The following DTNB variants were observed in gnomAD, a reference collection of about 807,000 sequenced individuals.
DTNB encodes DTN-B.
DTNB carries 63 observed loss-of-function variants against 90.7 expected under a neutral mutation model. The ratio of observed to expected loss-of-function variants is 0.69; its 90% confidence interval spans 0.57 to 0.86. The LOEUF (loss-of-function observed/expected upper bound fraction) is 0.86. Ranked by LOEUF, DTNB falls within the 40% of genes least tolerant of loss-of-function variation. The pLI is 0.00. For missense variants in DTNB, 744 were observed against 807.1 expected (o/e 0.92, Z 0.95); for synonymous variants, 277 against 286.7 (o/e 0.97, Z 0.34).
At chr2:25,585,095 C>T (rs1370956711) in intron 6 of DTNB, among the ~76,000 whole-genome samples, 1 of 152,102 alleles carries the variant, frequency 6.6e-6, no homozygotes, top group African/African-American at 2.4e-5. Context: ...GAGTTGAACA[C>T]ATTCTTTGCA....
intron 8 of DTNB, 179 bp downstream of exon 8, chr2:25,576,659 G>T: frequency 2.7e-6 from 2 of 738,042 alleles, no homozygotes; most frequent in Middle Eastern, 4.2e-4. Flanking sequence ...TAAAAATTCT[G>T]CTTTTAAAAT....
chr2:25,536,184 G>T (rs2079690810), intron 8 of DTNB, among the ~76,000 whole-genome samples: 1 of 150,822 alleles, frequency 6.6e-6, no homozygotes, highest in South Asian at 2.1e-4. Flanking sequence ...CCTAGATGGG[G>T]TGGCGGCCGG....
At chr2:25,557,275 G>A (rs2057521337) in intron 8 of DTNB, among the ~76,000 whole-genome samples, 1 of 152,218 alleles carries the variant, frequency 6.6e-6, no homozygotes, top group South Asian at 2.1e-4. Flanking sequence ...GTCTTCCCAT[G>A]TGCTTCTGTG....
chr2:25,607,149 A>C, intron 5 of DTNB, 87 bp downstream of exon 5: 1 of 1,431,748 alleles, frequency 7.0e-7, no homozygotes, highest in East Asian at 2.5e-5. Flanking sequence ...TAAAAGCTCA[A>C]TATAACATCA....
chr2:25,584,368 G>C (rs1359633448), intron 6 of DTNB, among the ~76,000 whole-genome samples: 1 of 152,066 alleles, frequency 6.6e-6, no homozygotes, highest in Non-Finnish European at 1.5e-5. Context: ...GAATGGATAA[G>C]CAAACATGGG....
Position 25,596,126 on chromosome 2 carries a change from C to G in DTNB, c.563G>C (p.Gly188Ala), listed in dbSNP as rs766808644. 6.2e-7 allele frequency: 1 copy of G among 1,613,146 alleles called. No homozygotes were observed. Among genetic ancestry groups the G allele is most frequent in the Admixed American group, 1.7e-5 (1 of 59,878 alleles). Residue 188 changes from glycine (G) to alanine (A), a missense_variant, in exon 6 of 21, where the codon GGT (glycine) becomes GCT (alanine). Transcript: ENST00000406818. ...GGTGCGGACTGAGTGCTCTGTGTAA[C>G]CAAAAGATGGCCCTTCAAAGACAGC... Reference protein sequence around the residue: ...PTAVFEGPSFGYTEHSVRTCF... With the variant: ...PTAVFEGPSFAYTEHSVRTCF...
At position 25,522,289 on chromosome 2, in the gene DTNB, C is replaced by A. The variant is rs556780018; in HGVS notation, c.1001+9184G>T. 6.5e-4 allele frequency among the ~76,000 whole-genome samples: 99 copies of A among 152,220 alleles called. 1 individual carries two copies. Among genetic ancestry groups the A allele is most frequent in the Non-Finnish European group, 1.1e-3 (76 of 68,018 alleles). On this transcript the variant is annotated intron_variant, in intron 9 of 20. Transcript: ENST00000406818. ...CCAGAAAGGAACACAAAGAAATATG[C>A]CTGACATCTAGTGGTGGCTTTGGGA... is the stretch of plus-strand genomic sequence containing the variant.
At chr2:25,542,577 A>C (rs1198989003) in intron 8 of DTNB, among the ~76,000 whole-genome samples, 1 of 152,184 alleles carries the variant, frequency 6.6e-6, no homozygotes, top group Non-Finnish European at 1.5e-5. Flanking sequence ...AGAATCTGGG[A>C]AATTTTGTAT....
intron 8 of DTNB, among the ~76,000 whole-genome samples, chr2:25,532,627 A>C (rs926441725): frequency 2.6e-5 from 4 of 152,256 alleles, no homozygotes; most frequent in Non-Finnish European, 5.9e-5. Flanking sequence ...TTCACTTCTA[A>C]AACTCATATT....
intron 6 of DTNB, among the ~76,000 whole-genome samples, chr2:25,585,693 T>C (rs1358419473): frequency 6.6e-6 from 1 of 152,238 alleles, no homozygotes; most frequent in Admixed American, 6.5e-5. Context: ...CATAGAAATA[T>C]TTACCCATTG....
intron 9 of DTNB, among the ~76,000 whole-genome samples, chr2:25,518,591 ACACT>A (rs1373036570): frequency 3.3e-5 from 5 of 152,086 alleles, no homozygotes; most frequent in Admixed American, 2.0e-4. Context: ...ACACACACTC[ACACT>A]CACGTACACA....
chr2:25,666,236 C>T (rs2084412711), intron 1 of DTNB, among the ~76,000 whole-genome samples: 1 of 152,094 alleles, frequency 6.6e-6, no homozygotes, highest in Non-Finnish European at 1.5e-5. Flanking sequence ...CAGTTACCTA[C>T]AACTCAGAGA....
At chr2:25,664,364 A>G (rs933721513) in intron 1 of DTNB, among the ~76,000 whole-genome samples, 8 of 152,218 alleles carry the variant, frequency 5.3e-5, no homozygotes, top group African/African-American at 1.4e-4. Context: ...AATCTTTGTG[A>G]GCCATCTGTC....
At chr2:25,617,782 G>T (rs1016145005) in intron 4 of DTNB, among the ~76,000 whole-genome samples, 2 of 152,128 alleles carry the variant, frequency 1.3e-5, no homozygotes, top group African/African-American at 4.8e-5. Context: ...GGAGGCTGAG[G>T]TAGGAGAATC....
intron 9 of DTNB, among the ~76,000 whole-genome samples, chr2:25,500,688 T>G (rs1014421644): frequency 2.6e-5 from 4 of 151,832 alleles, no homozygotes; most frequent in Non-Finnish European, 4.4e-5. Flanking sequence ...CAGTACAAGG[T>G]AGTAGAGTGA....
intron 8 of DTNB, among the ~76,000 whole-genome samples, chr2:25,545,512 T>G (rs927523791): frequency 3.8e-4 from 58 of 152,336 alleles, no homozygotes; most frequent in African/African-American, 1.3e-3. Context: ...AGAGCAGTGC[T>G]ATTATCCAAC....
At position 25,639,824 on chromosome 2, in the gene DTNB, G is replaced by A. The variant is rs549889798; in HGVS notation, c.68-730C>T. On this transcript the variant is annotated intron_variant, in intron 2 of 20. Transcript: ENST00000406818. ...AGCTTGCTCTGCTCTTGCTCTTCCG[G>A]GATGCTTGTGCTGGGAGCCCAGATG... 3.9e-5 allele frequency among the ~76,000 whole-genome samples: 6 copies of A among 152,276 alleles called. No homozygotes were observed. In the East Asian group the frequency reaches 1.2e-3, roughly 29 times the overall value.
intron 9 of DTNB, among the ~76,000 whole-genome samples, chr2:25,498,777 G>A (rs1203206140): frequency 6.9e-6 from 1 of 145,496 alleles, no homozygotes; most frequent in African/African-American, 2.6e-5. Context: ...GAGCCTGGGA[G>A]GTTGAGGCTG....
At chr2:25,470,099 C>T (rs947314102) in intron 10 of DTNB, among the ~76,000 whole-genome samples, 4 of 152,162 alleles carry the variant, frequency 2.6e-5, no homozygotes, top group African/African-American at 9.7e-5. Context: ...AATAAATGCA[C>T]AAGGCCAGCT....
Sources: allele counts gnomAD v4.1 joint callset (sites outside exome capture counted in the v4.1 genomes callset), GRCh38; gene constraint gnomAD v4.1.1; transcripts MANE v1.5; gene names NCBI Gene and HGNC (gene_info 2026-07-23, HGNC 2026-07-21).